Variants in RBFOX1 observed in about 807,000 individuals in gnomAD.
RBFOX1 encodes RNA binding protein fox-1 homolog 1.
A neutral mutation model predicts 57.7 loss-of-function variants in RBFOX1; 8 were observed. The ratio of observed to expected loss-of-function variants is 0.14; its 90% CI spans 0.08 to 0.25. The LOEUF is 0.25. RBFOX1 is among the 10% of genes least tolerant of loss of function. RBFOX1 has a pLI of 1.00. For synonymous variants in RBFOX1, 326 were observed against 222.4 expected, an observed-to-expected ratio of 1.47 and a Z score of -4.15; for missense variants, 611 against 548.5, an observed-to-expected ratio of 1.11 and a Z score of -1.14.
chr16:5,514,285 C>G (rs752582140), intron 2 of RBFOX1, among the ~76,000 whole-genome samples: 1 of 152,128 alleles, frequency 6.6e-6, no homozygotes, highest in South Asian at 2.1e-4. Context: ...GTGGCTCTGT[C>G]GCCATGTCTC....
intron 3 of RBFOX1, among the ~76,000 whole-genome samples, chr16:6,962,201 C>A (rs961699820): frequency 6.6e-6 from 1 of 152,136 alleles, no homozygotes; most frequent in East Asian, 1.9e-4. Flanking sequence ...ATGACTCCAA[C>A]TCTGCTTGTT....
At chr16:7,034,706 G>A (rs1261973946) in intron 3 of RBFOX1, among the ~76,000 whole-genome samples, 1 of 151,778 alleles carries the variant, frequency 6.6e-6, no homozygotes. Context: ...TTTCAGTGAG[G>A]ACACCTCACA....
chr16:6,209,244 C>T (rs1402843476), intron 1 of RBFOX1, among the ~76,000 whole-genome samples: 3 of 152,118 alleles, frequency 2.0e-5, no homozygotes, highest in African/African-American at 4.8e-5. Context: ...AGCAAAACAC[C>T]AGGGAAGAGG....
Position 6,161,220 on chromosome 16 carries a change from C to T in RBFOX1, c.-127+141228C>T, listed in dbSNP as rs183666741. On this transcript the variant is annotated intron_variant, in intron 1 of 15. Transcript: ENST00000550418. ...CCTGGCCAACATGGTGAAACCGTGT[C>T]TGTACTAAAAATACCAAAATTAGCT... Among the ~76,000 whole-genome samples, 31 of 152,164 alleles carry T rather than the reference C, an allele frequency of 2.0e-4. No individual in the cohort carries two copies. The East Asian group carries it at 5.6e-3, about 28-fold the overall frequency.
chr16:5,315,449 T>C (rs554928318), intron 1 of RBFOX1, among the ~76,000 whole-genome samples: 2 of 152,338 alleles, frequency 1.3e-5, no homozygotes, highest in Admixed American at 6.5e-5. Flanking sequence ...ACTCAGTTCC[T>C]GAGTCTGGAG....
At chr16:7,112,931 C>T (rs1483246359) in intron 4 of RBFOX1, among the ~76,000 whole-genome samples, 1 of 152,072 alleles carries the variant, frequency 6.6e-6, no homozygotes, top group African/African-American at 2.4e-5. Context: ...AGAATGAAAT[C>T]AGAAAGCATA....
intron 3 of RBFOX1, among the ~76,000 whole-genome samples, chr16:6,864,390 T>C (rs1425136166): frequency 6.6e-6 from 1 of 152,200 alleles, no homozygotes; most frequent in Non-Finnish European, 1.5e-5. Context: ...CTATTTGTTT[T>C]ACTTTTGCAG....
chr16:7,289,880 G>C (rs2095731384), intron 4 of RBFOX1, among the ~76,000 whole-genome samples: 2 of 152,302 alleles, frequency 1.3e-5, no homozygotes, highest in African/African-American at 4.8e-5. Context: ...GTATGCTGTA[G>C]TTCAAAGATT....
intron 3 of RBFOX1, among the ~76,000 whole-genome samples, chr16:5,759,245 G>C (rs1189486638): frequency 6.6e-6 from 1 of 152,188 alleles, no homozygotes; most frequent in African/African-American, 2.4e-5. Flanking sequence ...TCTGTGTTCA[G>C]CTTACAGAAG....
At chr16:7,428,948 A>G (rs1015963225) in intron 4 of RBFOX1, among the ~76,000 whole-genome samples, 2 of 152,130 alleles carry the variant, frequency 1.3e-5, no homozygotes, top group Non-Finnish European at 2.9e-5. Context: ...ACACAGTACA[A>G]TGCCTGGCGC....
At chr16:6,679,932 G>C (rs374109355) in intron 3 of RBFOX1, among the ~76,000 whole-genome samples, 13 of 129,908 alleles carry the variant, frequency 1.0e-4, no homozygotes, top group African/African-American at 3.1e-4. Context: ...TTGCCTAATG[G>C]TCTCATGGAG....
chr16:5,291,348 C>T (rs535575089), intron 1 of RBFOX1, among the ~76,000 whole-genome samples: 6 of 150,586 alleles, frequency 4.0e-5, no homozygotes, highest in South Asian at 2.1e-4. Context: ...CTGCAAGCTC[C>T]GCCTTCCGGG....
intron 2 of RBFOX1, among the ~76,000 whole-genome samples, chr16:5,573,454 C>T (rs12930250): frequency 0.37 from 57,035 of 152,126 alleles, 10,939 homozygotes; most frequent in Non-Finnish European, 0.41. Context: ...GGATTGGAAT[C>T]GCTGGAGGCA....
intron 3 of RBFOX1, among the ~76,000 whole-genome samples, chr16:6,890,190 C>CTG (rs2153371832): frequency 6.6e-6 from 1 of 152,280 alleles, no homozygotes; most frequent in Admixed American, 6.5e-5. Context: ...AGAAACACTG[C>CTG]TGTAAGCCTT....
At chr16:7,709,975 A>ATACTT (rs1303538630) in intron 15 of RBFOX1, 1 of 1,007,484 alleles carries the variant, frequency 9.9e-7, no homozygotes, top group Non-Finnish European at 1.2e-6. Flanking sequence ...TGAATTGCCA[A>ATACTT]TACTTTTAGA....
intron 3 of RBFOX1, among the ~76,000 whole-genome samples, chr16:6,854,060 C>A (rs116209768): frequency 1.3e-5 from 2 of 152,180 alleles, no homozygotes; most frequent in African/African-American, 4.8e-5. Context: ...TTTGTTCCTT[C>A]CAGAAATCCT....
At chr16:6,273,639 C>T (rs1294530608) in intron 1 of RBFOX1, among the ~76,000 whole-genome samples, 3 of 152,020 alleles carry the variant, frequency 2.0e-5, no homozygotes, top group Non-Finnish European at 4.4e-5. Flanking sequence ...AGCCACCATG[C>T]TTGGCCTAGA....
At chr16:5,380,247 G>A (rs1182296860) in intron 1 of RBFOX1, among the ~76,000 whole-genome samples, 2 of 152,132 alleles carry the variant, frequency 1.3e-5, no homozygotes, top group Non-Finnish European at 2.9e-5. Context: ...TTGCATGTAC[G>A]GTCGACTTTC....
At chr16:6,949,711 CAT>C (rs2080299305) in intron 3 of RBFOX1, among the ~76,000 whole-genome samples, 1 of 152,146 alleles carries the variant, frequency 6.6e-6, no homozygotes, top group South Asian at 2.1e-4. Flanking sequence ...CCTACCTCCA[CAT>C]ATAGTCACGT....
Sources: gnomAD v4.1 joint callset for allele counts (sites outside exome capture counted in the v4.1 genomes callset) on GRCh38, gnomAD v4.1.1 for gene constraint, MANE v1.5 for transcripts, NCBI Gene and HGNC (gene_info 2026-07-23, HGNC 2026-07-21) for gene names.